CA10: variants seen among roughly 807,000 people sequenced by gnomAD.
CA10 encodes the protein carbonic anhydrase 10 (inactive).
CA10 carries 14 observed loss-of-function variants against 44.2 expected under a neutral mutation model. The ratio of observed to expected loss-of-function variants is 0.32; its 90% CI spans 0.21 to 0.50. The LOEUF (loss-of-function observed/expected upper bound fraction) is 0.50, where lower values mean the gene tolerates loss of function less well. Among genes scored for constraint, CA10 ranks in the 20% least tolerant of loss-of-function variants. The pLI is 0.99. For missense variants in CA10, 350 were observed against 409.7 expected, an observed-to-expected ratio of 0.85 and a Z score of 1.26; for synonymous variants, 159 against 141.6, an observed-to-expected ratio of 1.12 and a Z score of -0.87.
At chr17:52,146,546 C>G (rs1292960167) in intron 1 of CA10, among the ~76,000 whole-genome samples, 1 of 151,914 alleles carries the variant, frequency 6.6e-6, no homozygotes, top group African/African-American at 2.4e-5. Context: ...AAAAATCAGC[C>G]GGCCGTGGTG....
intron 3 of CA10, among the ~76,000 whole-genome samples, chr17:51,818,397 G>T (rs768006368): frequency 2.6e-5 from 4 of 152,072 alleles, no homozygotes; most frequent in African/African-American, 4.8e-5. Context: ...TTGTATTACC[G>T]CAGCACATCG....
At chr17:52,085,364 C>G (rs541799134) in intron 1 of CA10, among the ~76,000 whole-genome samples, 2 of 152,340 alleles carry the variant, frequency 1.3e-5, no homozygotes, top group African/African-American at 4.8e-5. Flanking sequence ...TTCCTGTTTA[C>G]AGCAGCACTG....
At chr17:51,744,077 C>T (rs1438889145) in intron 4 of CA10, among the ~76,000 whole-genome samples, 6 of 152,070 alleles carry the variant, frequency 3.9e-5, no homozygotes, top group Admixed American at 1.3e-4. Flanking sequence ...CTCAGCACTT[C>T]GGGAGGCCGA....
chr17:51,771,259 G>T (rs1344168153), intron 3 of CA10, among the ~76,000 whole-genome samples: 1 of 151,734 alleles, frequency 6.6e-6, no homozygotes, highest in African/African-American at 2.4e-5. Flanking sequence ...CTCCAATACT[G>T]GAGATTATAT....
intron 1 of CA10, among the ~76,000 whole-genome samples, chr17:52,123,858 G>T (rs946271513): frequency 6.6e-6 from 1 of 152,070 alleles, no homozygotes; most frequent in South Asian, 2.1e-4. Flanking sequence ...AAGGCATCAG[G>T]ATTAGAAAAC....
intron 1 of CA10, among the ~76,000 whole-genome samples, chr17:52,088,302 G>A (rs955992789): frequency 1.3e-5 from 2 of 152,178 alleles, no homozygotes; most frequent in African/African-American, 4.8e-5. Flanking sequence ...CAGTTATTTA[G>A]GATAATTAGT....
At chr17:51,823,015 A>G (rs926791571) in intron 3 of CA10, among the ~76,000 whole-genome samples, 1 of 152,200 alleles carries the variant, frequency 6.6e-6, no homozygotes, top group Non-Finnish European at 1.5e-5. Context: ...GGTTTTATCA[A>G]CAGAGAGATT....
At position 52,066,304 on chromosome 17, in the gene CA10, C is replaced by A. The variant is rs141090933; in HGVS notation, c.136+6015G>T. ...AACTTCCTAGAGACTTGTTGAATGGCTTTGATCAAAATACTGATAGTGATA... is the reference window on the plus strand; with the variant it reads ...AACTTCCTAGAGACTTGTTGAATGGATTTGATCAAAATACTGATAGTGATA... On this transcript the variant is annotated intron_variant, in intron 2 of 8. Coordinates refer to ENST00000451037, the MANE Select transcript of CA10 (RefSeq NM_020178.5). Among the ~76,000 whole-genome samples, 1,362 of 152,274 alleles carry A rather than the reference C, an allele frequency of 8.9e-3. 21 individuals carry two copies. Among genetic ancestry groups the A allele is most frequent in the African/African-American group, 0.031 (1,288 of 41,550 alleles).
In CA10 at chr17:51,694,923, T is replaced by C. The variant is rs141372421; in HGVS notation, c.466-41187A>G. On this transcript the variant is annotated intron_variant, in intron 4 of 8. Transcript: ENST00000451037. ...ATTTATTGAATAGGAAGTCCTTTTC[T>C]CATTGCTTATTTATTCCCACTTTGT... Among the ~76,000 whole-genome samples the C allele has an allele frequency of 4.9e-3, 748 of 152,264 alleles. 9 individuals carry two copies. Among genetic ancestry groups the C allele is most frequent in the African/African-American group, 0.017 (710 of 41,562 alleles).
intron 2 of CA10, among the ~76,000 whole-genome samples, chr17:51,962,731 A>AC (rs1983938672): frequency 6.6e-6 from 1 of 152,068 alleles, no homozygotes; most frequent in African/African-American, 2.4e-5. Flanking sequence ...GAAAGAAAAA[A>AC]CCCGCTAATG....
At chr17:51,755,276 G>T (rs1289716423) in intron 3 of CA10, among the ~76,000 whole-genome samples, 1 of 152,170 alleles carries the variant, frequency 6.6e-6, no homozygotes, top group Non-Finnish European at 1.5e-5. Context: ...CATATTTTGA[G>T]ATAACAAAGA....
chr17:51,741,796 G>A (rs1369485767), intron 4 of CA10, among the ~76,000 whole-genome samples: 3 of 152,174 alleles, frequency 2.0e-5, no homozygotes, highest in Non-Finnish European at 2.9e-5. Context: ...CAATGTATGA[G>A]GTGTTGGGAA....
At chr17:51,843,705 T>G (rs1161267055) in intron 3 of CA10, among the ~76,000 whole-genome samples, 1 of 152,022 alleles carries the variant, frequency 6.6e-6, no homozygotes, top group Non-Finnish European at 1.5e-5. Flanking sequence ...ATATTATTAC[T>G]TTTTTTGGTA....
chr17:52,087,443 C>T lies in CA10; in HGVS notation c.62-15050G>A, dbSNP rs139396255. Reference sequence around the variant, plus strand: ...AGATGTGAGCCACCGCACCTGGCCCCTTTCCTTGTATTTAAATGCTAGACA... The same window carrying T: ...AGATGTGAGCCACCGCACCTGGCCCTTTTCCTTGTATTTAAATGCTAGACA... On this transcript the variant is annotated intron_variant, in intron 1 of 8. Coordinates refer to ENST00000451037, the MANE Select transcript of CA10 (RefSeq NM_020178.5). Among the ~76,000 whole-genome samples, 91 of 152,258 alleles carry T rather than the reference C, an allele frequency of 6.0e-4. No homozygotes were observed. In the East Asian group the frequency reaches 0.013, roughly 21 times the overall value.
At chr17:51,649,357 A>G in intron 5 of CA10, 103 bp from the exon 6 acceptor site, 1 of 872,448 alleles carries the variant, frequency 1.1e-6, no homozygotes, top group Non-Finnish European at 1.9e-6. Context: ...AGTATCTACC[A>G]TGAGCCAAAC....
At chr17:51,726,789 A>T (rs1460118669) in intron 4 of CA10, among the ~76,000 whole-genome samples, 2 of 152,234 alleles carry the variant, frequency 1.3e-5, no homozygotes, top group South Asian at 2.1e-4. Flanking sequence ...AATATTTAAC[A>T]TGTATCTAGA....
chr17:51,701,420 G>T (rs1429268574), intron 4 of CA10, among the ~76,000 whole-genome samples: 1 of 152,126 alleles, frequency 6.6e-6, no homozygotes, highest in African/African-American at 2.4e-5. Flanking sequence ...AGAGGTTCTG[G>T]GGGTTAGGAC....
intron 2 of CA10, among the ~76,000 whole-genome samples, chr17:51,991,642 T>C (rs1985043877): frequency 6.6e-6 from 1 of 152,018 alleles, no homozygotes; most frequent in South Asian, 2.1e-4. Flanking sequence ...AAACCCTGTC[T>C]CTACTAAAAA....
At chr17:52,013,009 A>T (rs1204458922) in intron 2 of CA10, among the ~76,000 whole-genome samples, 1 of 152,040 alleles carries the variant, frequency 6.6e-6, no homozygotes, top group Non-Finnish European at 1.5e-5. Flanking sequence ...CATCAATGTC[A>T]TGTAACAAAT....
Sources: allele counts gnomAD v4.1 joint callset (sites outside exome capture counted in the v4.1 genomes callset), GRCh38; gene constraint gnomAD v4.1.1; transcripts MANE v1.5; gene names NCBI Gene and HGNC (gene_info 2026-07-23, HGNC 2026-07-21).